The following PBX1 variants were observed in gnomAD, a reference collection of about 807,000 sequenced individuals.
PBX1 encodes pre-B-cell leukemia transcription factor 1.
In PBX1, 6 loss-of-function variants were observed where a neutral mutation model predicts 53.4. The ratio of observed to expected loss-of-function variants is 0.11; its 90% confidence interval spans 0.06 to 0.22. PBX1 has a LOEUF of 0.22. PBX1 is among the 10% of genes least tolerant of loss of function. The pLI is 1.00. For missense variants in PBX1, 251 were observed against 551.4 expected (o/e 0.46, Z 5.46); for synonymous variants, 204 against 212.3 (o/e 0.96, Z 0.34).
intron 8 of PBX1, among the ~76,000 whole-genome samples, chr1:164,823,077 A>G (rs1571474989): frequency 6.6e-6 from 1 of 152,292 alleles, no homozygotes; most frequent in East Asian, 1.9e-4. Flanking sequence ...CACAATATTT[A>G]TCAAGTCTTC....
intron 2 of PBX1, among the ~76,000 whole-genome samples, chr1:164,708,627 A>G (rs1663584120): frequency 6.6e-6 from 1 of 152,118 alleles, no homozygotes; most frequent in African/African-American, 2.4e-5. Flanking sequence ...TTTAGCTCCC[A>G]CTTGTAAGTG....
At chr1:164,624,934 T>C (rs1296324007) in intron 2 of PBX1, among the ~76,000 whole-genome samples, 1 of 152,178 alleles carries the variant, frequency 6.6e-6, no homozygotes, top group African/African-American at 2.4e-5. Flanking sequence ...TTCTAGAAAA[T>C]AGGTTTATAA....
chr1:164,693,643 C>G (rs1662630547), intron 2 of PBX1, among the ~76,000 whole-genome samples: 1 of 152,152 alleles, frequency 6.6e-6, no homozygotes, highest in African/African-American at 2.4e-5. Flanking sequence ...ATTGGCTGTT[C>G]TAGTGTGCTG....
At chr1:164,575,724 A>G (rs1029510546) in intron 2 of PBX1, among the ~76,000 whole-genome samples, 6 of 152,186 alleles carry the variant, frequency 3.9e-5, no homozygotes, top group African/African-American at 1.4e-4. Context: ...TAGAATTTGC[A>G]TGCAGAGGCT....
intron 2 of PBX1, among the ~76,000 whole-genome samples, chr1:164,727,716 T>C (rs1214006321): frequency 6.6e-6 from 1 of 152,228 alleles, no homozygotes; most frequent in African/African-American, 2.4e-5. Flanking sequence ...TTCGCCATCG[T>C]TGGCTGCTGG....
chr1:164,845,204 TG>T (rs1160733388), intron 8 of PBX1, among the ~76,000 whole-genome samples: 1 of 152,154 alleles, frequency 6.6e-6, no homozygotes, highest in East Asian at 1.9e-4. Flanking sequence ...GAAAGCCAAG[TG>T]GTTGAAAAGC....
At position 164,872,959 on chromosome 1, in the gene PBX1, T is replaced by C. The variant is rs78993763; in HGVS notation, n.258-26229T>C. Among the ~76,000 whole-genome samples, 1,246 of 152,350 alleles carry C rather than the reference T, an allele frequency of 8.2e-3. 13 individuals carry two copies. Among genetic ancestry groups the C allele is most frequent in the South Asian group, 0.037 (178 of 4,822 alleles). On this transcript the variant is annotated intron_variant and non_coding_transcript_variant, in intron 2 of 2. Coordinates refer to the PBX1 transcript ENST00000558796. ...ACATGCAGCAAAGAGCTACCACTTT[T>C]GGAGTATTTCTCCAACAGACATTGG...
intron 2 of PBX1, among the ~76,000 whole-genome samples, chr1:164,748,413 A>G (rs1316581567): frequency 1.3e-5 from 2 of 152,134 alleles, no homozygotes; most frequent in African/African-American, 2.4e-5. Flanking sequence ...GAGGTAGCAA[A>G]TCCTCCTAAT....
intron 2 of PBX1, among the ~76,000 whole-genome samples, chr1:164,707,440 A>T (rs1367548848): frequency 2.6e-5 from 4 of 151,182 alleles, no homozygotes; most frequent in South Asian, 2.1e-4. Flanking sequence ...AGAGAGAGAG[A>T]GAGAGAGAGA....
Position 164,842,559 on chromosome 1 carries a change from C to G in PBX1, c.1201-4025C>G, listed in dbSNP as rs112469417. On this transcript the variant is annotated intron_variant, in intron 8 of 8. Transcript: ENST00000420696. Reference sequence around the variant, plus strand: ...TTAGTTTTATATTCTATGAGCTTCTCTCTTGGTGAGCTCCAGGTTGAGCTG... The same window carrying G: ...TTAGTTTTATATTCTATGAGCTTCTGTCTTGGTGAGCTCCAGGTTGAGCTG... Among the ~76,000 whole-genome samples the G allele has an allele frequency of 7.1e-4, 108 of 152,246 alleles. 2 individuals carry two copies. Among genetic ancestry groups the G allele is most frequent in the African/African-American group, 2.5e-3 (103 of 41,538 alleles).
intron 8 of PBX1, among the ~76,000 whole-genome samples, chr1:164,842,663 C>T (rs544925564): frequency 4.5e-4 from 68 of 152,232 alleles, no homozygotes; most frequent in African/African-American, 1.2e-3. Flanking sequence ...TCACAGGCCA[C>T]AGAATTACCT....
intron 2 of PBX1, among the ~76,000 whole-genome samples, chr1:164,583,585 G>A (rs1427491342): frequency 6.6e-6 from 1 of 152,156 alleles, no homozygotes; most frequent in Non-Finnish European, 1.5e-5. Context: ...AAGAAACATG[G>A]TTCCTAAGAA....
chr1:164,829,194 A>G (rs1458365793), intron 8 of PBX1: 1 of 152,244 alleles, frequency 6.6e-6, no homozygotes. Context: ...AAGAGAAGAA[A>G]TATACCAGCC....
chr1:164,718,560 G>T (rs1400929022), intron 2 of PBX1, among the ~76,000 whole-genome samples: 1 of 152,196 alleles, frequency 6.6e-6, no homozygotes, highest in Non-Finnish European at 1.5e-5. Flanking sequence ...GAATCACTGT[G>T]CTTCTTGTTA....
intron 6 of PBX1, chr1:164,817,256 C>T (rs544447156): frequency 2.0e-5 from 3 of 152,344 alleles, no homozygotes; most frequent in Admixed American, 1.3e-4. Context: ...AATGCCACAG[C>T]ACCTCCAAGA....
chr1:164,862,194 C>G (rs1342723627), intron 2 of PBX1, among the ~76,000 whole-genome samples: 1 of 152,062 alleles, frequency 6.6e-6, no homozygotes, highest in Non-Finnish European at 1.5e-5. Flanking sequence ...GTGTGAGGAC[C>G]CAGAGAAAAT....
intron 5 of PBX1, among the ~76,000 whole-genome samples, chr1:164,808,627 C>T (rs934276959): frequency 4.6e-5 from 7 of 152,146 alleles, no homozygotes; most frequent in Admixed American, 1.3e-4. Flanking sequence ...TTTATATAAA[C>T]TAAGCATCTG....
At chr1:164,679,681 T>C (rs964035794) in intron 2 of PBX1, among the ~76,000 whole-genome samples, 2 of 152,226 alleles carry the variant, frequency 1.3e-5, no homozygotes, top group Non-Finnish European at 2.9e-5. Flanking sequence ...TTAAGCATTG[T>C]CTAAGTAATT....
At chr1:164,713,583 G>A (rs916933022) in intron 2 of PBX1, among the ~76,000 whole-genome samples, 2 of 151,814 alleles carry the variant, frequency 1.3e-5, no homozygotes, top group Non-Finnish European at 2.9e-5. Flanking sequence ...CTTGCTTTCT[G>A]TACAGCTGCC....
Sources: gnomAD v4.1 joint callset for allele counts (sites outside exome capture counted in the v4.1 genomes callset) on GRCh38, gnomAD v4.1.1 for gene constraint, MANE v1.5 for transcripts, NCBI Gene and HGNC (gene_info 2026-07-23, HGNC 2026-07-21) for gene names.